Variants in CELSR3 observed in about 807,000 individuals in gnomAD.
CELSR3 encodes cadherin EGF LAG seven-pass G-type receptor 3, also known as EGF-like protein 1.
In CELSR3, 73 loss-of-function variants were observed where a neutral mutation model predicts 270.0. That is an observed-to-expected ratio of 0.27 (90% CI 0.22 to 0.33). The LOEUF (loss-of-function observed/expected upper bound fraction) is 0.33. Among genes scored for constraint, CELSR3 ranks in the 10% least tolerant of loss-of-function variants. CELSR3 has a pLI of 1.00. For synonymous variants in CELSR3, 1,780 were observed against 1,905.4 expected, an observed-to-expected ratio of 0.93 and a Z score of 1.71; for missense variants, 3,614 against 4,533.8, an observed-to-expected ratio of 0.80 and a Z score of 5.83.
At position 48,654,576 on chromosome 3, in the gene CELSR3, C is replaced by T. The variant is rs2047164445; in HGVS notation, c.4989-124G>A. 9 of 810,866 alleles carry T rather than the reference C, an allele frequency of 1.1e-5. No homozygotes were observed. In the South Asian group the frequency reaches 1.5e-4, roughly 13 times the overall value. 50.2% of individuals were successfully genotyped at this position (810,866 alleles called of 1,614,324 possible). ...GGTGATTGAGGGAGGAAAATAAGGC[C>T]GAGCTGTGGAAGGAGTTAGGATCTT... is the stretch of plus-strand genomic sequence containing the variant. On this transcript the variant is annotated intron_variant, in intron 6 of 34. Transcript: ENST00000164024. This position sits in a 1 kb window ranked among gnomAD's most constrained non-coding sequence, Gnocchi z 5.4.
At chr3:48,643,150 G>T in intron 28 of CELSR3, 67 bp from the exon 29 acceptor site, 1 of 1,073,078 alleles carries the variant, frequency 9.3e-7, no homozygotes, top group Non-Finnish European at 1.4e-6. Context: ...AAGTCACTGT[G>T]GGTCAGCAAT....
At position 48,646,259 on chromosome 3, in the gene CELSR3, T is replaced by C; in HGVS notation, c.7296-2A>G. ...TTCATGACGGGGTTCTGAGGAAGCC[T>C]GGGGAGACACCCATCTGGGCTTACG... On this transcript the variant is annotated splice_acceptor_variant, in intron 21 of 34. Transcript: ENST00000164024. LOFTEE classifies it high-confidence loss of function. This position sits in a 1 kb window ranked among gnomAD's most constrained non-coding sequence, Gnocchi z 4.8. 1 of 1,609,000 alleles carries C rather than the reference T, an allele frequency of 6.2e-7. No homozygotes were observed. The highest frequency in any genetic ancestry group is 8.5e-7 in the Non-Finnish European group (1 of 1,177,410).
Position 48,641,290 on chromosome 3 carries a change from G to A in CELSR3, c.9025+34C>T. On this transcript the variant is annotated intron_variant, in intron 33 of 34. Transcript: ENST00000164024. The surrounding 1 kb of genome is among the most constrained non-coding windows in gnomAD (Gnocchi z 4.8). ...TCAGGGCATGAGCAGCCCCCAGCGT[G>A]TCTGCGGTGTGGGCCAGGGCTCAGG... 2 of 1,407,776 alleles carry A rather than the reference G, an allele frequency of 1.4e-6. No homozygotes were observed. Among genetic ancestry groups the A allele is most frequent in the South Asian group, 2.3e-5 (2 of 86,380 alleles). 87.2% of individuals were successfully genotyped at this position (1,407,776 alleles called of 1,614,324 possible). A position where few individuals can be genotyped will look rare whatever the true frequency, so the allele number is the denominator to read the frequency against.
At position 48,658,919 on chromosome 3, in the gene CELSR3, G is replaced by T; in HGVS notation, c.3716C>A (p.Pro1239Gln). The T allele has an allele frequency of 2.5e-6, 4 of 1,614,116 alleles. No individual in the cohort carries two copies. Among genetic ancestry groups the T allele is most frequent in the Non-Finnish European group, 3.4e-6 (4 of 1,179,970 alleles). Residue 1239 changes from proline to glutamine, a missense_variant, in exon 1 of 35, where the codon CCA becomes CAA. Around this residue, in one of 7 missense-constraint regions of CELSR3, gnomAD observed 1,331 missense variants for 1,933.7 expected, o/e 0.69. Coordinates refer to ENST00000164024, the MANE Select transcript of CELSR3 (RefSeq NM_001407.3). The surrounding 1 kb of genome is among the most constrained non-coding windows in gnomAD (Gnocchi z 4.7). Reference sequence around the variant, plus strand: ...AGTCACCAACATGGAGGCCACCAGTGGGCGGTTATTGTCTAGCTTTCGGCT... The same window carrying T: ...AGTCACCAACATGGAGGCCACCAGTTGGCGGTTATTGTCTAGCTTTCGGCT... ...RLSRKLDNNR[P>Q]LVASMLVTVT...
intron 2 of CELSR3, 54 bp from the exon 3 acceptor site, chr3:48,656,419 G>C: frequency 7.3e-7 from 1 of 1,368,004 alleles, no homozygotes; most frequent in Non-Finnish European, 9.4e-7. Flanking sequence ...CCCCTGCTCC[G>C]GCCCCTTCAA....
At position 48,654,141 on chromosome 3, in the gene CELSR3, T is replaced by C. The variant is rs2047160789; in HGVS notation, c.5153-138A>G. On this transcript the variant is annotated intron_variant, in intron 7 of 34. Transcript: ENST00000164024. This position sits in a 1 kb window ranked among gnomAD's most constrained non-coding sequence, Gnocchi z 5.4. Reference sequence around the variant, plus strand: ...TCCCATTTTCTTTCGATGAGTGGGGTTGGTAAGAGTCAGGCCCTAAAATCT... The same window carrying C: ...TCCCATTTTCTTTCGATGAGTGGGGCTGGTAAGAGTCAGGCCCTAAAATCT... The C allele has an allele frequency of 6.7e-7, 1 of 1,487,542 alleles. No individual in the cohort carries two copies. The highest frequency in any genetic ancestry group is 9.1e-7 in the Non-Finnish European group (1 of 1,100,876). The allele number at this position is 1,487,542 out of a possible 1,614,324, so 92.1% of individuals were successfully genotyped here. A position where few individuals can be genotyped will look rare whatever the true frequency, so the allele number is the denominator to read the frequency against.
In CELSR3 at chr3:48,646,007, G is replaced by A; in HGVS notation, c.7463+83C>T. On this transcript the variant is annotated intron_variant, in intron 22 of 34. Coordinates refer to ENST00000164024, the MANE Select transcript of CELSR3 (RefSeq NM_001407.3). This position sits in a 1 kb window ranked among gnomAD's most constrained non-coding sequence, Gnocchi z 4.8. ...TCCGGGTTGCACAACAGCACTAGTG[G>A]GGGCCCCAGGGGAAGGCTGGGACTA... The A allele has an allele frequency of 3.2e-6, 5 of 1,585,148 alleles. No individual in the cohort carries two copies. The highest frequency in any genetic ancestry group is 4.3e-6 in the Non-Finnish European group (5 of 1,161,914).
chr3:48,660,806 A>T lies in CELSR3; in HGVS notation c.1829T>A (p.Phe610Tyr). 3 of 1,614,076 alleles carry T rather than the reference A, an allele frequency of 1.9e-6. No individual in the cohort carries two copies. The highest frequency in any genetic ancestry group is 2.5e-6 in the Non-Finnish European group (3 of 1,180,020). ...GEIQVVAPLDFEAEREYALRI... is the reference protein window; with the variant it reads ...GEIQVVAPLDYEAEREYALRI... ...CAAGGCATACTCTCTCTCTGCCTCGAAGTCCAGAGGTGCCACCACCTGGAT... is the reference window on the plus strand; with the variant it reads ...CAAGGCATACTCTCTCTCTGCCTCGTAGTCCAGAGGTGCCACCACCTGGAT... The change falls in exon 1 of 35, where the codon TTC becomes TAC. Residue 610 changes from phenylalanine (F) to tyrosine (Y), a missense_variant. Coordinates refer to ENST00000164024, the MANE Select transcript of CELSR3 (RefSeq NM_001407.3). This position sits in a 1 kb window ranked among gnomAD's most constrained non-coding sequence, Gnocchi z 5.5.
chr3:48,649,095 G>T, intron 17 of CELSR3, 26 bp downstream of exon 17: 3 of 1,600,374 alleles, frequency 1.9e-6, no homozygotes, highest in Non-Finnish European at 2.6e-6. Context: ...GTCTTAGGTT[G>T]CAGGAAAAGG....
In CELSR3 at chr3:48,646,116, G is replaced by C; in HGVS notation, c.7437C>G (p.Ile2479Met). The C allele has an allele frequency of 6.2e-7, 1 of 1,612,948 alleles. No homozygotes were observed. Among genetic ancestry groups the C allele is most frequent in the South Asian group, 1.1e-5 (1 of 91,080 alleles). Residue 2479 changes from isoleucine (I) to methionine (M), a missense_variant, in exon 22 of 35, where the codon ATC (isoleucine) becomes ATG (methionine). Ile to Met is a conservative substitution (Grantham distance 10). Around this residue, in one of 7 missense-constraint regions of CELSR3, gnomAD observed 1,240 missense variants for 1,351.7 expected, o/e 0.92. Transcript: ENST00000164024. The surrounding 1 kb of genome is among the most constrained non-coding windows in gnomAD (Gnocchi z 4.8). ...GGCCAGGTGGGTCCCACTGCACACA[G>C]ATCGCCTTGCTCCGATTCGCTGTCT... ...LLQTANRSKA[I>M]CVQWDPPGLA...
At position 48,645,341 on chromosome 3, in the gene CELSR3, C is replaced by A; in HGVS notation, c.7797+102G>T. 1 of 1,566,888 alleles carries A rather than the reference C, an allele frequency of 6.4e-7. No individual in the cohort carries two copies. Among genetic ancestry groups the A allele is most frequent in the East Asian group, 2.3e-5 (1 of 43,814 alleles). Reference sequence around the variant, plus strand: ...CCAGCATCCTGCTGAAAACCCTGGCCCCAACCTGAGCATCCCTGACCTCTG... The same window carrying A: ...CCAGCATCCTGCTGAAAACCCTGGCACCAACCTGAGCATCCCTGACCTCTG... On this transcript the variant is annotated intron_variant, in intron 24 of 34. Transcript: ENST00000164024. This position sits in a 1 kb window ranked among gnomAD's most constrained non-coding sequence, Gnocchi z 5.4.
At position 48,644,333 on chromosome 3, in the gene CELSR3, A is replaced by G. The variant is rs1219026373; in HGVS notation, c.8086-38T>C. 3.9e-6 allele frequency: 1 copy of G among 254,202 alleles called. No individual in the cohort carries two copies. Among genetic ancestry groups the G allele is most frequent in the Non-Finnish European group, 6.2e-6 (1 of 160,282 alleles). 15.7% of individuals were successfully genotyped at this position (254,202 alleles called of 1,614,324 possible). A position where few individuals can be genotyped will look rare whatever the true frequency, so the allele number is the denominator to read the frequency against. On this transcript the variant is annotated intron_variant, in intron 26 of 34. Coordinates refer to ENST00000164024, the MANE Select transcript of CELSR3 (RefSeq NM_001407.3). This position sits in a 1 kb window ranked among gnomAD's most constrained non-coding sequence, Gnocchi z 4.8. ...CCAGACATGTGGGGCCGGGCAGGGCAGAGAGAGAGAGAGAGAGAGAGGCAA... is the reference window on the plus strand; with the variant it reads ...CCAGACATGTGGGGCCGGGCAGGGCGGAGAGAGAGAGAGAGAGAGAGGCAA...
In CELSR3 at chr3:48,662,306, C is replaced by A. The variant is rs781656713; in HGVS notation, c.329G>T (p.Gly110Val). The change falls in exon 1 of 35, where the codon GGG (glycine) becomes GTG (valine). Residue 110 changes from glycine (G) to valine (V), a missense_variant. By Grantham distance (109) the Gly-to-Val change is moderately radical. This residue lies in a region of CELSR3 where 470 missense variants were observed against 469.7 expected (regional missense o/e 1.00). Coordinates refer to ENST00000164024, the MANE Select transcript of CELSR3 (RefSeq NM_001407.3). This position sits in a 1 kb window ranked among gnomAD's most constrained non-coding sequence, Gnocchi z 7.1. ...GPPEQPNEELGIEHGVQPLGS... is the reference protein window; with the variant it reads ...GPPEQPNEELVIEHGVQPLGS... ...CAATGGCTGGACGCCGTGTTCAATCCCCAGCTCCTCATTCGGCTGCTCAGG... is the reference window on the plus strand; with the variant it reads ...CAATGGCTGGACGCCGTGTTCAATCACCAGCTCCTCATTCGGCTGCTCAGG... The A allele has an allele frequency of 6.2e-7, 1 of 1,613,100 alleles. No individual in the cohort carries two copies. Among genetic ancestry groups the A allele is most frequent in the Non-Finnish European group, 8.5e-7 (1 of 1,180,032 alleles).
At position 48,646,142 on chromosome 3, in the gene CELSR3, G is replaced by A. The variant is rs376959970; in HGVS notation, c.7411C>T (p.Gln2471Ter). 6.2e-7 allele frequency: 1 copy of A among 1,612,808 alleles called. No homozygotes were observed. Among genetic ancestry groups the A allele is most frequent in the Non-Finnish European group, 8.5e-7 (1 of 1,179,964 alleles). Residue 2471 changes from glutamine to a stop codon, truncating the protein, a stop_gained, in exon 22 of 35, where the codon CAG becomes TAG. Transcript: ENST00000164024. LOFTEE classifies it high-confidence loss of function. The surrounding 1 kb of genome is among the most constrained non-coding windows in gnomAD (Gnocchi z 4.8). ...ATCGCCTTGCTCCGATTCGCTGTCT[G>A]TAGCAGGCGAAACTCTAGGCTGATG... ...SPISLEFRLL[Q>*]TANRSKAICV...
In CELSR3 at chr3:48,661,204, A is replaced by G; in HGVS notation, c.1431T>C (p.Ala477=). The change falls in exon 1 of 35, where the codon GCT becomes GCC. Residue 477 remains alanine (A), a synonymous_variant. Transcript: ENST00000164024. Reference sequence around the variant, plus strand: ...AGGCGGCGGCAGCTGCAGCGCGCGCAGCTGGCGGCCCCACGAAGCGGTAGC... The same window carrying G: ...AGGCGGCGGCAGCTGCAGCGCGCGCGGCTGGCGGCCCCACGAAGCGGTAGC... ...NLRYRFVGPP[A]ARAAAAAAFE... 6.2e-7 allele frequency: 1 copy of G among 1,600,546 alleles called. No individual in the cohort carries two copies. The highest frequency in any genetic ancestry group is 8.5e-7 in the Non-Finnish European group (1 of 1,173,004).
chr3:48,661,363 G>A lies in CELSR3; in HGVS notation c.1272C>T (p.Ala424=). The A allele has an allele frequency of 6.2e-7, 1 of 1,612,866 alleles. No homozygotes were observed. ...AAACCGGCGAGTGGTCGTTGCGGTC[G>A]GCTACTGTCACGGCCACCATCGTGG... ...SATTMVAVTV[A]DRNDHSPVFE... is the part of the protein sequence containing the mutation. Residue 424 remains alanine (A), a synonymous_variant, in exon 1 of 35, where the codon GCC becomes GCT. Coordinates refer to ENST00000164024, the MANE Select transcript of CELSR3 (RefSeq NM_001407.3).
Position 48,640,580 on chromosome 3 carries a change from GGGGCAGGGTTTGTGTGGGAGGGGGA to G in CELSR3, c.9026-46_9026-22del. 3.3e-6 allele frequency: 5 copies of G among 1,534,912 alleles called. No individual in the cohort carries two copies. The highest frequency in any genetic ancestry group is 4.4e-6 in the Non-Finnish European group (5 of 1,136,138). Reference sequence around the variant, plus strand: ...GATGCCTGTGAGAGGAAGAAAATGGGGGGCAGGGTTTGTGTGGGAGGGGGAGGGCAGGCAGGAATTGCTGAGTCTA... The same window carrying G: ...GATGCCTGTGAGAGGAAGAAAATGGGGGGCAGGCAGGAATTGCTGAGTCTA... On this transcript the variant is annotated intron_variant, in intron 33 of 34. Coordinates refer to ENST00000164024, the MANE Select transcript of CELSR3 (RefSeq NM_001407.3). The surrounding 1 kb of genome is among the most constrained non-coding windows in gnomAD (Gnocchi z 7.5).
In CELSR3 at chr3:48,645,186, G is replaced by A. The variant is rs1575539797; in HGVS notation, c.7821C>T (p.Ile2607=). The A allele has an allele frequency of 1.9e-6, 3 of 1,583,204 alleles. No individual in the cohort carries two copies. The highest frequency in any genetic ancestry group is 2.3e-5 in the East Asian group (1 of 44,198). The stretch of plus-strand genomic sequence containing the variant: ...TGCTGAGGAAGAAGTAGTGCAGGAG[G>A]ATGGCGACTGCAGTGCACACCAGCT... The part of the protein sequence containing the change: ...HNQLVCTAVA[I]LLHYFFLSTF... Residue 2607 remains isoleucine, a synonymous_variant, in exon 25 of 35, where the codon ATC becomes ATT. Transcript: ENST00000164024. The surrounding 1 kb of genome is among the most constrained non-coding windows in gnomAD (Gnocchi z 5.4).
At position 48,640,494 on chromosome 3, in the gene CELSR3, A is replaced by G; in HGVS notation, c.9091T>C (p.Trp3031Arg). 6.2e-7 allele frequency: 1 copy of G among 1,611,318 alleles called. No homozygotes were observed. The highest frequency in any genetic ancestry group is 8.5e-7 in the Non-Finnish European group (1 of 1,179,316). Residue 3031 changes from tryptophan to arginine, a missense_variant, in exon 34 of 35, where the codon TGG (tryptophan) becomes CGG (arginine). This residue lies in a region of CELSR3 where 1,240 missense variants were observed against 1,351.7 expected (regional missense o/e 0.92). Coordinates refer to ENST00000164024, the MANE Select transcript of CELSR3 (RefSeq NM_001407.3). This position sits in a 1 kb window ranked among gnomAD's most constrained non-coding sequence, Gnocchi z 7.5. ...TGGCCCAAGGTGGCTGCACGGCACC[A>G]GGACAGCTCAGGGGCACCTCGGGTC... is the stretch of plus-strand genomic sequence containing the variant. ...PQTRGAPELS[W>R]CRAATLGHRA... is the part of the protein sequence containing the mutation.
Sources: allele counts gnomAD v4.1 joint callset, GRCh38; gene constraint gnomAD v4.1.1; regional missense constraint gnomAD v4.1.1; non-coding constraint Gnocchi (gnomAD v3.1); transcripts MANE v1.5; gene names NCBI Gene and HGNC (gene_info 2026-07-23, HGNC 2026-07-21).